The following HSPA12A variants were observed in gnomAD, a reference collection of about 807,000 sequenced individuals.
The protein encoded by HSPA12A is heat shock 70 kDa protein 12A.
In HSPA12A, 28 loss-of-function variants were observed where a neutral mutation model predicts 69.2. That is an observed-to-expected ratio of 0.40 (90% CI 0.30 to 0.55). The LOEUF (loss-of-function observed/expected upper bound fraction) is 0.55. Among genes scored for constraint, HSPA12A ranks in the 20% least tolerant of loss-of-function variants. The pLI, the probability that HSPA12A is intolerant of heterozygous loss-of-function variation, is 0.38. For synonymous variants in HSPA12A, 345 were observed against 370.5 expected (o/e 0.93, Z 0.79); for missense variants, 686 against 900.7 (o/e 0.76, Z 3.05).
intron 2 of HSPA12A, among the ~76,000 whole-genome samples, chr10:116,780,526 ATTTATTTTATTTTAT>A (rs145237754): frequency 3.4e-5 from 5 of 148,356 alleles, no homozygotes; most frequent in African/African-American, 1.2e-4. Flanking sequence ...TAATTTTTTG[ATTTATTTTATTTTAT>A]TTTATTTTAT....
intron 2 of HSPA12A, among the ~76,000 whole-genome samples, chr10:116,752,922 A>G (rs185387448): frequency 2.6e-5 from 4 of 152,340 alleles, no homozygotes; most frequent in East Asian, 3.9e-4. Flanking sequence ...ATGACTCCTG[A>G]CCTGCCTGAG....
intron 2 of HSPA12A, among the ~76,000 whole-genome samples, chr10:116,777,627 C>T (rs1164212137): frequency 2.0e-5 from 3 of 152,210 alleles, no homozygotes; most frequent in Admixed American, 6.5e-5. Context: ...TGTAAAGAGA[C>T]GCACGCCACT....
At chr10:116,849,611 G>C in exon 1 of HSPA12A, 1 of 1,549,982 alleles carries the variant, frequency 6.5e-7, no homozygotes, top group South Asian at 1.2e-5. Context: ...CCACTAGGGA[G>C]CTGCAGAAGC....
chr10:116,758,722 T>A (rs1182952100), intron 2 of HSPA12A, among the ~76,000 whole-genome samples: 2 of 152,136 alleles, frequency 1.3e-5, no homozygotes, highest in Non-Finnish European at 2.9e-5. Flanking sequence ...ATTTATCAAA[T>A]GTTTCTCAAA....
Position 116,679,559 on chromosome 10 carries a change from A to G in HSPA12A, c.1230T>C (p.Ile410=). The change falls in exon 10 of 12, where the codon ATT becomes ATC. Residue 410 remains isoleucine (I), a synonymous_variant. Coordinates refer to ENST00000369209, the MANE Select transcript of HSPA12A (RefSeq NM_025015.3). ...GCCCGCGGAACTTCTTGTAGTAGTCAATGAAGGAGAAGGGCAGGGTGATGT... is the reference window on the plus strand; with the variant it reads ...GCCCGCGGAACTTCTTGTAGTAGTCGATGAAGGAGAAGGGCAGGGTGATGT... ...PLNITLPFSF[I]DYYKKFRGHS... 6.2e-7 allele frequency: 1 copy of G among 1,614,216 alleles called. No homozygotes were observed. The highest frequency in any genetic ancestry group is 8.5e-7 in the Non-Finnish European group (1 of 1,180,036).
chr10:116,835,654 T>C (rs1288902854), intron 1 of HSPA12A, among the ~76,000 whole-genome samples: 1 of 152,230 alleles, frequency 6.6e-6, no homozygotes, highest in Non-Finnish European at 1.5e-5. Flanking sequence ...GAAAAGCATA[T>C]CTTGTTCACC....
At chr10:116,850,069 A>G, upstream of HSPA12A, 4 of 468,182 alleles carry the variant, frequency 8.5e-6, no homozygotes, top group Middle Eastern at 1.2e-3. Context: ...CATGCTTGCC[A>G]ATTGTCATTT....
chr10:116,709,986 G>C (rs1478936274), intron 1 of HSPA12A, among the ~76,000 whole-genome samples: 1 of 152,228 alleles, frequency 6.6e-6, no homozygotes, highest in Admixed American at 6.5e-5. Flanking sequence ...GGCGCTAATT[G>C]CTCTTGAAAA....
chr10:116,816,151 GTC>G (rs1342299170), intron 2 of HSPA12A, among the ~76,000 whole-genome samples: 3 of 152,228 alleles, frequency 2.0e-5, no homozygotes, highest in African/African-American at 7.2e-5. Context: ...CAGAACTGGA[GTC>G]TCAGCCCTCA....
chr10:116,683,778 A>G lies in HSPA12A; in HGVS notation c.835+13T>C, dbSNP rs781806869. ...GAAGGAGAGCAGGAGGGGGAGAGAG[A>G]GAGCAGAGGTACCCTGTGTAAACCC... On this transcript the variant is annotated intron_variant, in intron 7 of 11. Coordinates refer to ENST00000369209, the MANE Select transcript of HSPA12A (RefSeq NM_025015.3). 15 of 1,513,634 alleles carry G rather than the reference A, an allele frequency of 9.9e-6. No individual in the cohort carries two copies. The highest frequency in any genetic ancestry group is 1.3e-5 in the Non-Finnish European group (15 of 1,112,782). The allele number at this position is 1,513,634 out of a possible 1,614,324, so 93.8% of individuals were successfully genotyped here. A position where few individuals can be genotyped will look rare whatever the true frequency, so the allele number is the denominator to read the frequency against.
At chr10:116,847,161 C>G (rs1284544700) in intron 1 of HSPA12A, among the ~76,000 whole-genome samples, 1 of 152,170 alleles carries the variant, frequency 6.6e-6, no homozygotes, top group Non-Finnish European at 1.5e-5. Flanking sequence ...AACCAGATGA[C>G]GCACTGATCC....
chr10:116,767,541 C>T (rs1844107553), intron 2 of HSPA12A, among the ~76,000 whole-genome samples: 1 of 152,232 alleles, frequency 6.6e-6, no homozygotes. Flanking sequence ...GCCAGCAAGG[C>T]CAGCCCCACA....
chr10:116,761,995 C>CAACATTG (rs879993830), intron 2 of HSPA12A, among the ~76,000 whole-genome samples: 2 of 152,198 alleles, frequency 1.3e-5, no homozygotes, highest in Non-Finnish European at 2.9e-5. Flanking sequence ...TCTTTGAATG[C>CAACATTG]AACATTGTGC....
intron 2 of HSPA12A, among the ~76,000 whole-genome samples, chr10:116,825,211 TA>T (rs566833209): frequency 5.5e-5 from 8 of 146,310 alleles, no homozygotes; most frequent in African/African-American, 1.3e-4. Flanking sequence ...TAAGTAAATT[TA>T]AAAAAAAAAT....
In HSPA12A at chr10:116,790,204, C is replaced by T. The variant is rs191838431; in HGVS notation, c.91+44731G>A. ...GCAGGCTCCGCGCCCTGGGGGTTCA[C>T]GCCATTCTCCTGCCTCAGCCTCCCA... On this transcript the variant is annotated intron_variant, in intron 2 of 12. Transcript: ENST00000635765. Among the ~76,000 whole-genome samples, 177 of 150,540 alleles carry T rather than the reference C, an allele frequency of 1.2e-3. 2 individuals are homozygous for T. The highest frequency in any genetic ancestry group is 0.011 in the East Asian group (54 of 4,984).
chr10:116,684,022 C>CA, intron 6 of HSPA12A, 60 bp from the exon 7 acceptor site: 1 of 1,424,130 alleles, frequency 7.0e-7, no homozygotes. Flanking sequence ...GCTCCTAGGA[C>CA]ACCCGTGCCT....
chr10:116,794,139 A>G (rs530950341), intron 2 of HSPA12A, among the ~76,000 whole-genome samples: 1 of 152,226 alleles, frequency 6.6e-6, no homozygotes, highest in African/African-American at 2.4e-5. Flanking sequence ...CGGGAGGTGG[A>G]GCTTGCAGTG....
Position 116,674,509 on chromosome 10 carries a change from C to T in HSPA12A, c.*272G>A. 2.1e-6 allele frequency: 1 copy of T among 483,616 alleles called. No homozygotes were observed. Among genetic ancestry groups the T allele is most frequent in the Non-Finnish European group, 3.7e-6 (1 of 268,350 alleles). 30.0% of individuals were successfully genotyped at this position (483,616 alleles called of 1,614,324 possible). Reference sequence around the variant, plus strand: ...AATGTACTGATTCCCTTCTCCGTGGCCATTTCACCACTTTTGTACCTATGA... The same window carrying T: ...AATGTACTGATTCCCTTCTCCGTGGTCATTTCACCACTTTTGTACCTATGA... On this transcript the variant is annotated 3_prime_UTR_variant, in exon 12 of 12. Transcript: ENST00000369209.
chr10:116,757,839 C>G (rs1158566795), intron 2 of HSPA12A, among the ~76,000 whole-genome samples: 1 of 152,158 alleles, frequency 6.6e-6, no homozygotes, highest in Non-Finnish European at 1.5e-5. Context: ...ACTGAGCGAC[C>G]TATTAGAATG....
Sources: allele counts gnomAD v4.1 joint callset (sites outside exome capture counted in the v4.1 genomes callset), GRCh38; gene constraint gnomAD v4.1.1; transcripts MANE v1.5; gene names NCBI Gene and HGNC (gene_info 2026-07-23, HGNC 2026-07-21).